PTPRG: variants seen among roughly 807,000 people sequenced by gnomAD.
PTPRG encodes protein tyrosine phosphatase receptor type G.
A neutral mutation model predicts 165.3 loss-of-function variants in PTPRG; 102 were observed. The ratio of observed to expected loss-of-function variants is 0.62; its 90% CI spans 0.53 to 0.73. The LOEUF is 0.73. Among genes scored for constraint, PTPRG ranks in the 30% least tolerant of loss-of-function variants. The pLI is 0.00. For synonymous variants in PTPRG, 675 were observed against 669.5 expected, an observed-to-expected ratio of 1.01 and a Z score of -0.13; for missense variants, 1,866 against 1,861.4, an observed-to-expected ratio of 1.00 and a Z score of -0.05.
chr3:61,775,283 C>G (rs1343674640), intron 2 of PTPRG, among the ~76,000 whole-genome samples: 1 of 152,150 alleles, frequency 6.6e-6, no homozygotes, highest in East Asian at 1.9e-4. Context: ...GGTGGCCAGG[C>G]TGGTCTCGAA....
chr3:61,863,884 G>A (rs621198), intron 2 of PTPRG, among the ~76,000 whole-genome samples: 8 of 151,990 alleles, frequency 5.3e-5, no homozygotes, highest in Non-Finnish European at 1.0e-4. Flanking sequence ...TAGTATGAAC[G>A]TCAGTGTTGT....
At chr3:61,734,110 T>G (rs1418562984) in intron 1 of PTPRG, among the ~76,000 whole-genome samples, 1 of 152,202 alleles carries the variant, frequency 6.6e-6, no homozygotes, top group Non-Finnish European at 1.5e-5. Flanking sequence ...GTAAATTATT[T>G]TAATAAGAAC....
At chr3:61,948,578 A>G (rs2039821675) in intron 2 of PTPRG, among the ~76,000 whole-genome samples, 1 of 152,166 alleles carries the variant, frequency 6.6e-6, no homozygotes, top group South Asian at 2.1e-4. Context: ...CTATAGCTAC[A>G]ATAAAAGGCA....
intron 4 of PTPRG, among the ~76,000 whole-genome samples, chr3:62,021,022 C>A (rs1052940498): frequency 1.3e-5 from 2 of 152,056 alleles, no homozygotes; most frequent in African/African-American, 4.8e-5. Context: ...TGAGCCAGAT[C>A]CCTGGGGTTC....
chr3:62,016,182 T>A (rs1030844721), intron 4 of PTPRG, among the ~76,000 whole-genome samples: 5 of 152,260 alleles, frequency 3.3e-5, no homozygotes, highest in Middle Eastern at 6.8e-3. Context: ...CTATATATAT[T>A]TTTAAGACCT....
chr3:61,992,932 G>A (rs1288158563), intron 3 of PTPRG, among the ~76,000 whole-genome samples: 2 of 152,316 alleles, frequency 1.3e-5, no homozygotes, highest in East Asian at 3.9e-4. Context: ...CTCCCAAAAT[G>A]CTAGGATTAC....
chr3:61,883,166 A>T (rs57749154), intron 2 of PTPRG, among the ~76,000 whole-genome samples: 17,773 of 152,212 alleles, frequency 0.12, 1,655 homozygotes, highest in East Asian at 0.5. Flanking sequence ...TTTAATTATC[A>T]TTGTAAAGGT....
intron 18 of PTPRG, 84 bp from the exon 19 acceptor site, chr3:62,267,601 A>G: frequency 6.5e-7 from 1 of 1,548,650 alleles, no homozygotes; most frequent in Non-Finnish European, 8.8e-7. Flanking sequence ...AACAAAGCCC[A>G]TTCAATATGG....
intron 2 of PTPRG, among the ~76,000 whole-genome samples, chr3:61,876,581 A>G (rs1216430236): frequency 6.6e-6 from 1 of 152,198 alleles, no homozygotes; most frequent in East Asian, 1.9e-4. Flanking sequence ...TTAAAAAGTA[A>G]TAATTAGTAT....
intron 6 of PTPRG, among the ~76,000 whole-genome samples, chr3:62,146,062 T>G (rs1196458354): frequency 6.6e-6 from 1 of 152,188 alleles, no homozygotes; most frequent in Non-Finnish European, 1.5e-5. Context: ...ACCAGAACCC[T>G]GTAGGGGAGA....
At chr3:61,736,065 G>T (rs532582527) in intron 1 of PTPRG, among the ~76,000 whole-genome samples, 1 of 152,034 alleles carries the variant, frequency 6.6e-6, no homozygotes, top group South Asian at 2.1e-4. Flanking sequence ...AGGCCACCAT[G>T]CCTGGCTAAT....
chr3:62,201,666 C>T lies in PTPRG; in HGVS notation c.1377+112C>T, dbSNP rs1252329026. On this transcript the variant is annotated intron_variant, in intron 11 of 29. Coordinates refer to ENST00000474889, the MANE Select transcript of PTPRG (RefSeq NM_002841.4). Reference sequence around the variant, plus strand: ...TGTTGTTAAACTGCTCAGTGTAAAGCGGTTATAGTAGAGAAAAAATTACAT... The same window carrying T: ...TGTTGTTAAACTGCTCAGTGTAAAGTGGTTATAGTAGAGAAAAAATTACAT... The T allele has an allele frequency of 6.5e-6, 6 of 919,702 alleles. No homozygotes were observed. The Admixed American group carries it at 8.1e-5, about 12-fold the overall frequency. 57.0% of individuals were successfully genotyped at this position (919,702 alleles called of 1,614,324 possible). A position where few individuals can be genotyped will look rare whatever the true frequency, so the allele number is the denominator to read the frequency against.
At chr3:62,183,121 A>C (rs1208378375) in intron 8 of PTPRG, among the ~76,000 whole-genome samples, 1 of 152,152 alleles carries the variant, frequency 6.6e-6, no homozygotes, top group Non-Finnish European at 1.5e-5. Context: ...TGAATGAATG[A>C]CCCTCTTAGA....
intron 2 of PTPRG, among the ~76,000 whole-genome samples, chr3:61,878,561 A>G (rs983381474): frequency 2.4e-4 from 37 of 152,280 alleles, no homozygotes; most frequent in African/African-American, 8.4e-4. Flanking sequence ...TGGCAGGATC[A>G]GGGCTCACTG....
chr3:61,610,677 C>T (rs1452735620), intron 1 of PTPRG, among the ~76,000 whole-genome samples: 2 of 152,062 alleles, frequency 1.3e-5, no homozygotes, highest in African/African-American at 2.4e-5. Context: ...CCATTCCTTT[C>T]ACAGGTAGGT....
At chr3:61,926,370 A>G (rs1470825723) in intron 2 of PTPRG, among the ~76,000 whole-genome samples, 1 of 151,884 alleles carries the variant, frequency 6.6e-6, no homozygotes, top group East Asian at 2.0e-4. Context: ...AAAAGTGTGT[A>G]GCACCTCCCC....
In PTPRG at chr3:62,293,512, G is replaced by T; in HGVS notation, c.*205G>T. 1 of 426,380 alleles carries T rather than the reference G, an allele frequency of 2.3e-6. No homozygotes were observed. The highest frequency in any genetic ancestry group is 4.1e-6 in the Non-Finnish European group (1 of 242,868). The allele number at this position is 426,380 out of a possible 1,614,324, so 26.4% of individuals were successfully genotyped here. A position where few individuals can be genotyped will look rare whatever the true frequency, so the allele number is the denominator to read the frequency against. ...CTCTGTTCATTTCACACAGTGAAAC[G>T]CAATTTTACCTAGTTTGCACTATAT... On this transcript the variant is annotated 3_prime_UTR_variant, in exon 30 of 30. Transcript: ENST00000474889.
chr3:62,101,895 C>G lies in PTPRG; in HGVS notation c.615+23637C>G, dbSNP rs189023938. ...ATGTAACTCTGCCCATTTTGCCGTACACAAATAAACAGCAGGCATTATTAT... is the reference window on the plus strand; with the variant it reads ...ATGTAACTCTGCCCATTTTGCCGTAGACAAATAAACAGCAGGCATTATTAT... On this transcript the variant is annotated intron_variant, in intron 5 of 29. Coordinates refer to ENST00000474889, the MANE Select transcript of PTPRG (RefSeq NM_002841.4). Among the ~76,000 whole-genome samples the G allele has an allele frequency of 6.1e-3, 928 of 152,322 alleles. 12 individuals carry two copies. Among genetic ancestry groups the G allele is most frequent in the Non-Finnish European group, 6.3e-3 (426 of 68,032 alleles).
At chr3:62,009,199 T>G (rs1354270000) in intron 4 of PTPRG, among the ~76,000 whole-genome samples, 1 of 152,178 alleles carries the variant, frequency 6.6e-6, no homozygotes, top group Non-Finnish European at 1.5e-5. Flanking sequence ...TTGAGTGACT[T>G]CAATGTCTTA....
Sources: allele counts gnomAD v4.1 joint callset (sites outside exome capture counted in the v4.1 genomes callset), GRCh38; gene constraint gnomAD v4.1.1; transcripts MANE v1.5; gene names NCBI Gene and HGNC (gene_info 2026-07-23, HGNC 2026-07-21).